The following NKAIN3 variants were observed in gnomAD, a reference collection of about 807,000 sequenced individuals.
NKAIN3 encodes sodium/potassium-transporting ATPase subunit beta-1-interacting protein 3.
In NKAIN3, 25 loss-of-function variants were observed where a neutral mutation model predicts 30.2. That is an observed-to-expected ratio of 0.83 (90% confidence interval 0.60 to 1.16). The LOEUF is 1.16. Ranked by LOEUF, NKAIN3 falls within the 50% of genes most tolerant of loss-of-function variation. The pLI, the probability that NKAIN3 is intolerant of heterozygous loss-of-function variation, is 0.00. For missense variants in NKAIN3, 225 were observed against 254.1 expected, an observed-to-expected ratio of 0.89 and a Z score of 0.78; for synonymous variants, 91 against 89.6, an observed-to-expected ratio of 1.02 and a Z score of -0.09.
chr8:62,429,895 A>G (rs1023985627), intron 1 of NKAIN3, among the ~76,000 whole-genome samples: 2 of 151,780 alleles, frequency 1.3e-5, no homozygotes, highest in African/African-American at 4.8e-5. Context: ...GTGGTATTAA[A>G]TTCATTTATA....
intron 1 of NKAIN3, among the ~76,000 whole-genome samples, chr8:62,579,149 C>A (rs1375874658): frequency 6.6e-6 from 1 of 151,968 alleles, no homozygotes; most frequent in Admixed American, 6.6e-5. Context: ...TAAGACATCA[C>A]ATGTACCCCA....
At chr8:62,353,533 T>C (rs1816247260) in intron 1 of NKAIN3, among the ~76,000 whole-genome samples, 1 of 152,168 alleles carries the variant, frequency 6.6e-6, no homozygotes, top group Non-Finnish European at 1.5e-5. Flanking sequence ...GAATGGTATA[T>C]TATCTGTTTT....
chr8:62,895,962 C>T (rs1821416198), intron 4 of NKAIN3, among the ~76,000 whole-genome samples: 1 of 148,756 alleles, frequency 6.7e-6, no homozygotes, highest in Non-Finnish European at 1.5e-5. Flanking sequence ...GAATTTATCA[C>T]CATCCTGAAG....
rs563434954 is a variant in NKAIN3, at chr8:62,862,637, A to G, written c.472-55816A>G. On this transcript the variant is annotated intron_variant, in intron 4 of 6. Transcript: ENST00000623646. ...TAGTTCTAAATAAAATAGATTCAAT[A>G]GTTTTTAAAGATCACTGAAAATTGC... Among the ~76,000 whole-genome samples, 107 of 152,312 alleles carry G rather than the reference A, an allele frequency of 7.0e-4. 1 individual carries two copies. Among genetic ancestry groups the G allele is most frequent in the African/African-American group, 2.5e-3 (105 of 41,586 alleles).
At chr8:62,404,682 A>T (rs1282656976) in intron 1 of NKAIN3, among the ~76,000 whole-genome samples, 1 of 152,066 alleles carries the variant, frequency 6.6e-6, no homozygotes, top group Non-Finnish European at 1.5e-5. Flanking sequence ...TCTTTCCTTT[A>T]TATATTACCC....
At position 62,981,866 on chromosome 8, in the gene NKAIN3, G is replaced by A. The variant is rs1437738704; in HGVS notation, c.*16459G>A. On this transcript the variant is annotated 3_prime_UTR_variant, in exon 7 of 7. Coordinates refer to ENST00000623646, the MANE Select transcript of NKAIN3 (RefSeq NM_001304533.3). ...AGTATAGTAAAAAAAAGAAAAGAAA[G>A]AAAAACTCTTTAACCCTTTGTTTAA... 1 of 150,728 alleles carries A rather than the reference G, an allele frequency of 6.6e-6. No individual in the cohort carries two copies. The highest frequency in any genetic ancestry group is 2.0e-4 in the East Asian group (1 of 5,126). 9.3% of individuals were successfully genotyped at this position (150,728 alleles called of 1,614,324 possible). A position where few individuals can be genotyped will look rare whatever the true frequency, so the allele number is the denominator to read the frequency against.
At chr8:62,507,357 C>T (rs1807675159) in intron 1 of NKAIN3, among the ~76,000 whole-genome samples, 1 of 152,142 alleles carries the variant, frequency 6.6e-6, no homozygotes, top group Non-Finnish European at 1.5e-5. Context: ...TAGTTCTGCA[C>T]ACAGCAGGCA....
chr8:62,506,444 T>A (rs531589628), intron 1 of NKAIN3, among the ~76,000 whole-genome samples: 3 of 151,674 alleles, frequency 2.0e-5, no homozygotes, highest in South Asian at 4.2e-4. Flanking sequence ...TGTGCATTTT[T>A]ATTTTTTCTG....
At position 62,324,891 on chromosome 8, in the gene NKAIN3, G is replaced by C. The variant is rs75609660; in HGVS notation, c.54+75764G>C. 2.1e-3 allele frequency among the ~76,000 whole-genome samples: 326 copies of C among 151,740 alleles called. 12 individuals carry two copies. The East Asian group carries it at 0.06, about 28-fold the overall frequency. Reference sequence around the variant, plus strand: ...GCAAGCTTGAAAATCTTGAACATTTGTGTTTTTACTACTTAGAAAAAGAAA... The same window carrying C: ...GCAAGCTTGAAAATCTTGAACATTTCTGTTTTTACTACTTAGAAAAAGAAA... On this transcript the variant is annotated intron_variant, in intron 1 of 6. Coordinates refer to ENST00000623646, the MANE Select transcript of NKAIN3 (RefSeq NM_001304533.3).
At chr8:62,308,807 T>C (rs1814336416) in intron 1 of NKAIN3, among the ~76,000 whole-genome samples, 1 of 150,528 alleles carries the variant, frequency 6.6e-6, no homozygotes, top group Admixed American at 6.6e-5. Flanking sequence ...AGATACTAAA[T>C]TCAGAAATAG....
chr8:62,840,009 A>C (rs1332545255), intron 4 of NKAIN3, among the ~76,000 whole-genome samples: 1 of 152,158 alleles, frequency 6.6e-6, no homozygotes, highest in Non-Finnish European at 1.5e-5. Flanking sequence ...TGAGGATAGA[A>C]GTAAATTTTC....
At chr8:62,937,983 C>T (rs1024038740) in intron 5 of NKAIN3, among the ~76,000 whole-genome samples, 2 of 152,002 alleles carry the variant, frequency 1.3e-5, no homozygotes, top group African/African-American at 2.4e-5. Flanking sequence ...GCCATAATTC[C>T]CCTGGGAACA....
intron 1 of NKAIN3, among the ~76,000 whole-genome samples, chr8:62,385,583 A>G (rs1817402541): frequency 6.6e-6 from 1 of 152,158 alleles, no homozygotes; most frequent in South Asian, 2.1e-4. Flanking sequence ...TTACAGTTCT[A>G]TAAATTTTGG....
chr8:62,356,831 G>T (rs1816372803), intron 1 of NKAIN3, among the ~76,000 whole-genome samples: 1 of 152,058 alleles, frequency 6.6e-6, no homozygotes, highest in South Asian at 2.1e-4. Context: ...GTAATTCCAG[G>T]CCAGGCACGG....
chr8:62,514,765 T>C (rs1807928735), intron 1 of NKAIN3, among the ~76,000 whole-genome samples: 1 of 152,152 alleles, frequency 6.6e-6, no homozygotes, highest in Admixed American at 6.5e-5. Flanking sequence ...ATATTCTAAC[T>C]TCAGGGATGA....
chr8:62,267,354 A>T (rs1215039837), intron 1 of NKAIN3, among the ~76,000 whole-genome samples: 1 of 152,182 alleles, frequency 6.6e-6, no homozygotes, highest in Non-Finnish European at 1.5e-5. Flanking sequence ...TTAATAGATT[A>T]CTAAGTCAGT....
chr8:62,532,789 A>T (rs955748313), intron 1 of NKAIN3, among the ~76,000 whole-genome samples: 2 of 151,748 alleles, frequency 1.3e-5, no homozygotes, highest in Non-Finnish European at 2.9e-5. Flanking sequence ...TCTCCCCCTC[A>T]CTCTAGGTTA....
intron 4 of NKAIN3, among the ~76,000 whole-genome samples, chr8:62,802,836 C>T (rs1281316006): frequency 1.3e-5 from 2 of 152,150 alleles, no homozygotes; most frequent in Non-Finnish European, 1.5e-5. Flanking sequence ...GATAAAGAGT[C>T]AAGACCCATC....
intron 1 of NKAIN3, among the ~76,000 whole-genome samples, chr8:62,409,349 TA>T (rs1165154761): frequency 3.3e-5 from 5 of 152,060 alleles, no homozygotes; most frequent in Non-Finnish European, 7.4e-5. Flanking sequence ...CACAACCAGC[TA>T]ATTTTGTATT....
Sources: gnomAD v4.1 joint callset for allele counts (sites outside exome capture counted in the v4.1 genomes callset) on GRCh38, gnomAD v4.1.1 for gene constraint, MANE v1.5 for transcripts, NCBI Gene and HGNC (gene_info 2026-07-23, HGNC 2026-07-21) for gene names.